The following IL1RAPL2 variants were observed in gnomAD, a reference collection of about 807,000 sequenced individuals.
The protein encoded by IL1RAPL2 is interleukin 1 receptor accessory protein like 2.
In IL1RAPL2, 3 loss-of-function variants were observed where a neutral mutation model predicts 44.1. The observed-to-expected ratio is 0.07, with a 90% confidence interval of 0.03 to 0.18. The LOEUF (loss-of-function observed/expected upper bound fraction) is 0.18. Ranked by LOEUF, IL1RAPL2 falls within the 10% of genes least tolerant of loss-of-function variation. IL1RAPL2 has a pLI of 1.00. For missense variants in IL1RAPL2, 391 were observed against 496.4 expected, an observed-to-expected ratio of 0.79 and a Z score of 2.02; for synonymous variants, 181 against 178.8, an observed-to-expected ratio of 1.01 and a Z score of -0.10.
chrX:104,656,040 T>C (rs1343698377), intron 1 of IL1RAPL2, among the ~76,000 whole-genome samples: 1 of 111,654 alleles, frequency 9.0e-6, no homozygotes, highest in Non-Finnish European at 1.9e-5. Context: ...ATATTTTTAT[T>C]GCATCTATTT....
At chrX:105,329,702 C>T (rs760439745) in intron 5 of IL1RAPL2, among the ~76,000 whole-genome samples, 4 of 110,998 alleles carry the variant, frequency 3.6e-5, no homozygotes, top group East Asian at 5.7e-4. Flanking sequence ...ACTGCATATA[C>T]GGCTTTTAAG....
chrX:105,295,817 A>G (rs2034650419), intron 5 of IL1RAPL2, among the ~76,000 whole-genome samples: 1 of 111,532 alleles, frequency 9.0e-6, no homozygotes, highest in Non-Finnish European at 1.9e-5. Flanking sequence ...TTTTCCTGCC[A>G]TGTAAATTGT....
intron 2 of IL1RAPL2, among the ~76,000 whole-genome samples, chrX:104,854,105 T>C (rs1922298507): frequency 9.0e-6 from 1 of 111,522 alleles, no homozygotes; most frequent in Non-Finnish European, 1.9e-5. Context: ...GTTGGAGCTG[T>C]CTTTATGCAC....
At chrX:104,909,322 C>T (rs766908182) in intron 2 of IL1RAPL2, among the ~76,000 whole-genome samples, 1 of 111,989 alleles carries the variant, frequency 8.9e-6, no homozygotes, top group Non-Finnish European at 1.9e-5. Flanking sequence ...ATTTGATCGT[C>T]TGAAGCCTTC....
intron 6 of IL1RAPL2, among the ~76,000 whole-genome samples, chrX:105,653,152 T>A (rs1217786388): frequency 8.9e-6 from 1 of 111,759 alleles, no homozygotes; most frequent in African/African-American, 3.2e-5. Context: ...GATATAGTAA[T>A]GGAATACGGA....
intron 2 of IL1RAPL2, among the ~76,000 whole-genome samples, chrX:104,661,632 A>T (rs1298802337): frequency 9.1e-6 from 1 of 109,403 alleles, no homozygotes; most frequent in Non-Finnish European, 1.9e-5. Context: ...TTATGTAGAA[A>T]ATATAATTAT....
chrX:105,115,218 G>A (rs768967332), intron 2 of IL1RAPL2, among the ~76,000 whole-genome samples: 1 of 111,582 alleles, frequency 9.0e-6, no homozygotes, highest in Non-Finnish European at 1.9e-5. Context: ...GCAGACCTTC[G>A]TGGTGAGTGT....
At chrX:104,778,057 G>T (rs1224596757) in intron 2 of IL1RAPL2, among the ~76,000 whole-genome samples, 1 of 110,623 alleles carries the variant, frequency 9.0e-6, no homozygotes, top group Non-Finnish European at 1.9e-5. Context: ...ATCCTAATGG[G>T]TATGAGGTAT....
At position 104,901,199 on chromosome X, in the gene IL1RAPL2, C is replaced by CTTT. The variant is rs1194148816; in HGVS notation, c.82+242231_82+242233dup. ...AGGAGTTGGTTGCTTTCTTTTGCTT[C>CTTT]TTTTTTTTTTTTTTTTTTTTTTTTT... On this transcript the variant is annotated intron_variant, in intron 2 of 10. Transcript: ENST00000372582. 4.1e-3 allele frequency among the ~76,000 whole-genome samples: 131 copies of CTTT among 32,117 alleles called. 14 individuals carry two copies. Among genetic ancestry groups the CTTT allele is most frequent in the African/African-American group, 0.015 (111 of 7,452 alleles). 27.9% of individuals were successfully genotyped at this position (32,117 alleles called of 115,157 possible). A position where few individuals can be genotyped will look rare whatever the true frequency, so the allele number is the denominator to read the frequency against.
intron 4 of IL1RAPL2, among the ~76,000 whole-genome samples, chrX:105,257,900 T>G (rs1216615484): frequency 8.9e-6 from 1 of 111,801 alleles, no homozygotes; most frequent in Non-Finnish European, 1.9e-5. Context: ...ACTCTGTGCC[T>G]TTTAAGTAAG....
intron 2 of IL1RAPL2, among the ~76,000 whole-genome samples, chrX:104,825,198 T>C (rs1921420205): frequency 9.0e-6 from 1 of 111,467 alleles, no homozygotes; most frequent in Non-Finnish European, 1.9e-5. Context: ...GGTTCCTAGA[T>C]GCTAAAGGGT....
In IL1RAPL2 at chrX:104,834,648, T is replaced by C. The variant is rs1249075142; in HGVS notation, c.82+175653T>C. On this transcript the variant is annotated intron_variant, in intron 2 of 10. Coordinates refer to ENST00000372582, the MANE Select transcript of IL1RAPL2 (RefSeq NM_017416.2). The stretch of plus-strand genomic sequence containing the variant: ...AAAGACTTGTTGATGAATAAACATA[T>C]AAAGAATGCAAAGAGTTGGTAGAAT... 4.5e-5 allele frequency among the ~76,000 whole-genome samples: 5 copies of C among 112,258 alleles called. No individual in the cohort carries two copies. The East Asian group carries it at 1.4e-3, about 31-fold the overall frequency.
At chrX:104,569,103 C>T (rs1027130565) in intron 1 of IL1RAPL2, among the ~76,000 whole-genome samples, 3 of 112,371 alleles carry the variant, frequency 2.7e-5, no homozygotes, top group Non-Finnish European at 5.6e-5. Flanking sequence ...AAGCTGCCTC[C>T]GTGAACAGAC....
At chrX:105,492,550 TTAA>T (rs1331241052) in intron 6 of IL1RAPL2, among the ~76,000 whole-genome samples, 1 of 109,793 alleles carries the variant, frequency 9.1e-6, no homozygotes, top group Non-Finnish European at 1.9e-5. Context: ...ATAATCTTAT[TTAA>T]TAATAATTCT....
chrX:104,628,583 T>A (rs978865472), intron 1 of IL1RAPL2, among the ~76,000 whole-genome samples: 5 of 112,122 alleles, frequency 4.5e-5, no homozygotes, highest in South Asian at 3.7e-4. Flanking sequence ...TCTTTGGGAA[T>A]AAAGCTGCAA....
intron 4 of IL1RAPL2, among the ~76,000 whole-genome samples, chrX:105,259,497 A>G (rs1410195378): frequency 1.8e-5 from 2 of 111,327 alleles, no homozygotes; most frequent in Admixed American, 1.9e-4. Context: ...GTGGCCAAGG[A>G]TCATTTGCTT....
chrX:105,084,873 C>T (rs1416983668), intron 2 of IL1RAPL2, among the ~76,000 whole-genome samples: 1 of 111,773 alleles, frequency 8.9e-6, no homozygotes, highest in Non-Finnish European at 1.9e-5. Context: ...GAGGGACCAG[C>T]TGGGAGATGA....
chrX:105,266,248 G>A (rs1468912443), intron 4 of IL1RAPL2, among the ~76,000 whole-genome samples: 1 of 110,277 alleles, frequency 9.1e-6, no homozygotes, highest in Non-Finnish European at 1.9e-5. Flanking sequence ...TACCATGTTG[G>A]CCAGGCTGGT....
At chrX:104,830,582 C>T (rs1026763885) in intron 2 of IL1RAPL2, among the ~76,000 whole-genome samples, 2 of 111,651 alleles carry the variant, frequency 1.8e-5, no homozygotes, top group African/African-American at 3.3e-5. Flanking sequence ...CAGGAAAATT[C>T]AGCCATCAGT....
Sources: gnomAD v4.1 joint callset for allele counts (sites outside exome capture counted in the v4.1 genomes callset) on GRCh38, gnomAD v4.1.1 for gene constraint, MANE v1.5 for transcripts, NCBI Gene and HGNC (gene_info 2026-07-23, HGNC 2026-07-21) for gene names.